ZNF34: variants seen among roughly 807,000 people sequenced by gnomAD.
ZNF34 encodes the protein zinc finger protein 34, also known as zinc finger protein 34 (KOX 32).
A neutral mutation model predicts 14.4 loss-of-function variants in ZNF34; 8 were observed. That is an observed-to-expected ratio of 0.55 (90% CI 0.33 to 1.00). The LOEUF (loss-of-function observed/expected upper bound fraction) is 1.00, where lower values mean the gene tolerates loss of function less well. Among genes scored for constraint, ZNF34 ranks in the 50% least tolerant of loss-of-function variants. The pLI, the probability that ZNF34 is intolerant of heterozygous loss-of-function variation, is 0.03. For synonymous variants in ZNF34, 235 were observed against 247.9 expected (o/e 0.95, Z 0.49); for missense variants, 538 against 674.2 (o/e 0.80, Z 2.24).
chr8:144,774,341 C>G lies in ZNF34; in HGVS notation c.545G>C (p.Ser182Thr). Residue 182 changes from serine to threonine, a missense_variant, in exon 6 of 6, where the codon AGT becomes ACT. Around this residue, in one of 3 missense-constraint regions of ZNF34, gnomAD observed 431 missense variants for 525.7 expected, o/e 0.82. Transcript: ENST00000429371. ...GTTGAGATATGATCTCTGTTCAAAA[C>G]TTTGCTCACATATATCACATTTGTG... is the stretch of plus-strand genomic sequence containing the variant. ...RPHKCDICEQ[S>T]FEQRSYLNNH... 1 of 1,612,410 alleles carries G rather than the reference C, an allele frequency of 6.2e-7. No homozygotes were observed. The highest frequency in any genetic ancestry group is 8.5e-7 in the Non-Finnish European group (1 of 1,179,140).
chr8:144,776,364 C>T lies in ZNF34; in HGVS notation c.280+1094G>A, dbSNP rs189131637. On this transcript the variant is annotated intron_variant, in intron 5 of 5. Transcript: ENST00000429371. Reference sequence around the variant, plus strand: ...CCTATAATCCCAGTACTTTGGGAGGCCAAGGTGGGAGGATCGCTTGAGCCC... The same window carrying T: ...CCTATAATCCCAGTACTTTGGGAGGTCAAGGTGGGAGGATCGCTTGAGCCC... 2.2e-3 allele frequency among the ~76,000 whole-genome samples: 330 copies of T among 150,096 alleles called. 1 individual carries two copies. Among genetic ancestry groups the T allele is most frequent in the African/African-American group, 7.9e-3 (319 of 40,594 alleles).
rs767509265 is a variant in ZNF34 at position 144,778,158 on chromosome 8, C to T, written c.40G>A (p.Val14Met). The stretch of plus-strand genomic sequence containing the variant: ...TACACAGCCACGTCCTCGAAGGTCA[C>T]CTCGGCCTGGAATGACAGGGACTAC... ...LFLSAPPQAE[V>M]TFEDVAVYLS... Residue 14 changes from valine (V) to methionine (M), a missense_variant, in exon 4 of 6, where the codon GTG becomes ATG. Around this residue, in one of 3 missense-constraint regions of ZNF34, gnomAD observed 431 missense variants for 525.7 expected, o/e 0.82. Transcript: ENST00000429371. The T allele has an allele frequency of 1.9e-6, 3 of 1,612,186 alleles. No homozygotes were observed. The highest frequency in any genetic ancestry group is 1.7e-6 in the Non-Finnish European group (2 of 1,178,960).
rs1005576564 is a variant in ZNF34, at chr8:144,779,959, C to T, written c.-55+269G>A. 6.9e-5 allele frequency among the ~76,000 whole-genome samples: 10 copies of T among 145,320 alleles called. No individual in the cohort carries two copies. Among genetic ancestry groups the T allele is most frequent in the Non-Finnish European group, 1.2e-4 (8 of 67,198 alleles). On this transcript the variant is annotated intron_variant, in intron 2 of 5. Transcript: ENST00000429371. This position sits in a 1 kb window ranked among gnomAD's most constrained non-coding sequence, Gnocchi z 4.1. ...ATCCTAGCGCTTTGGGAGGCTGAGG[C>T]GGGAGGACAGCTTGAGCCCAGGAAT...
At position 144,777,957 on chromosome 8, in the gene ZNF34, G is replaced by T; in HGVS notation, c.160+81C>A. The T allele has an allele frequency of 6.4e-7, 1 of 1,570,634 alleles. No homozygotes were observed. Among genetic ancestry groups the T allele is most frequent in the Non-Finnish European group, 8.7e-7 (1 of 1,155,924 alleles). On this transcript the variant is annotated intron_variant, in intron 4 of 5. Transcript: ENST00000429371. The surrounding 1 kb of genome is among the most constrained non-coding windows in gnomAD (Gnocchi z 4.8). Reference sequence around the variant, plus strand: ...GGTCATCACCTATCTGTGCCCAGGGGGTGAGGCCCCTAGCCCAGCCTCTGC... The same window carrying T: ...GGTCATCACCTATCTGTGCCCAGGGTGTGAGGCCCCTAGCCCAGCCTCTGC...
At chr8:144,774,888 T>C (rs979298287) in intron 5 of ZNF34, among the ~76,000 whole-genome samples, 2 of 152,102 alleles carry the variant, frequency 1.3e-5, no homozygotes, top group Admixed American at 6.5e-5. Flanking sequence ...AGTACCCAAG[T>C]GGGGTCCTGC....
In ZNF34 at chr8:144,778,111, G is replaced by C. The variant is rs374563985; in HGVS notation, c.87C>G (p.Gly29=). 8 of 1,614,008 alleles carry C rather than the reference G, an allele frequency of 5.0e-6. No individual in the cohort carries two copies. Among genetic ancestry groups the C allele is most frequent in the Non-Finnish European group, 6.8e-6 (8 of 1,179,930 alleles). The change falls in exon 4 of 6, where the codon GGC becomes GGG. Residue 29 remains glycine, a synonymous_variant. Coordinates refer to ENST00000429371, the MANE Select transcript of ZNF34 (RefSeq NM_001286769.2). ...VAVYLSREEW[G]RLGPAQRGLY... is the part of the protein sequence containing the mutation. ...GGCCCCTCTGAGCAGGGCCCAGGCG[G>C]CCCCATTCCTCCCGGGAGAGGTACA... is the stretch of plus-strand genomic sequence containing the variant.
intron 2 of ZNF34, 77 bp downstream of exon 2, chr8:144,780,151 C>T (rs912928931): frequency 3.4e-5 from 38 of 1,129,782 alleles, no homozygotes; most frequent in Admixed American, 1.2e-4. Flanking sequence ...GAGCTGTGAT[C>T]GCACCACTGC....
intron 5 of ZNF34, among the ~76,000 whole-genome samples, chr8:144,774,898 C>A (rs1825410368): frequency 6.6e-6 from 1 of 152,196 alleles, no homozygotes; most frequent in Non-Finnish European, 1.5e-5. Flanking sequence ...TGGGGTCCTG[C>A]CACATGGCCG....
chr8:144,780,632 T>C (rs1586735790), intron 1 of ZNF34, among the ~76,000 whole-genome samples: 1 of 149,958 alleles, frequency 6.7e-6, no homozygotes. Flanking sequence ...TCTACTAAAA[T>C]ACAAAAATTA....
chr8:144,773,386 G>C lies in ZNF34; in HGVS notation c.1500C>G (p.His500Gln), dbSNP rs1825282320. ...AFSQSTYLIQ[H>Q]RRIHTGEKPY... ...GCTTCTCCCCGGTGTGGATCCTCCG[G>C]TGCTGAATCAAGTACGTGCTCTGGC... is the stretch of plus-strand genomic sequence containing the variant. Residue 500 changes from histidine (H) to glutamine (Q), a missense_variant, in exon 6 of 6, where the codon CAC becomes CAG. Transcript: ENST00000429371. This position sits in a 1 kb window ranked among gnomAD's most constrained non-coding sequence, Gnocchi z 5.4. The C allele has an allele frequency of 1.9e-6, 3 of 1,613,986 alleles. No homozygotes were observed. Among genetic ancestry groups the C allele is most frequent in the Admixed American group, 1.7e-5 (1 of 59,980 alleles).
intron 1 of ZNF34, among the ~76,000 whole-genome samples, chr8:144,786,776 G>A (rs938846336): frequency 2.6e-5 from 4 of 152,048 alleles, no homozygotes; most frequent in Non-Finnish European, 4.4e-5. Context: ...TGGGGCGGAG[G>A]GAAGGCACAA....
chr8:144,775,130 C>A, intron 5 of ZNF34, among the ~76,000 whole-genome samples: 1 of 152,236 alleles, frequency 6.6e-6, no homozygotes. Context: ...GTGCAAGCAC[C>A]TCATGACTGC....
In ZNF34 at chr8:144,782,301, A is replaced by G. The variant is rs147789786; in HGVS notation, c.-107-2021T>C. Among the ~76,000 whole-genome samples, 790 of 151,674 alleles carry G rather than the reference A, an allele frequency of 5.2e-3. 6 individuals are homozygous for G. The highest frequency in any genetic ancestry group is 0.018 in the African/African-American group (742 of 41,074). On this transcript the variant is annotated intron_variant, in intron 1 of 5. Transcript: ENST00000429371. ...CGCACCACTGCACTCCAGCCTGGCC[A>G]CAGAGTGAGACTCCGACACAAAACA... is the stretch of plus-strand genomic sequence containing the variant.
intron 1 of ZNF34, among the ~76,000 whole-genome samples, chr8:144,782,930 G>A (rs1285672710): frequency 6.8e-6 from 1 of 146,028 alleles, no homozygotes; most frequent in Non-Finnish European, 1.5e-5. Context: ...AACAAAAAAG[G>A]AAAGAGTGTA....
rs545748106 is a variant in ZNF34 at position 144,786,026 on chromosome 8, C to T, written c.-108+1253G>A. On this transcript the variant is annotated intron_variant, in intron 1 of 5. Coordinates refer to ENST00000429371, the MANE Select transcript of ZNF34 (RefSeq NM_001286769.2). ...TTGAGACGGAGTCTTGCTCCATCAC[C>T]CAGGCTGGAGAGCAGTGGCGGGATC... Among the ~76,000 whole-genome samples the T allele has an allele frequency of 1.6e-3, 226 of 145,624 alleles. 1 individual carries two copies. The highest frequency in any genetic ancestry group is 5.4e-3 in the African/African-American group (211 of 38,894).
chr8:144,782,434 G>A (rs1258288395), intron 1 of ZNF34, among the ~76,000 whole-genome samples: 2 of 152,028 alleles, frequency 1.3e-5, no homozygotes, highest in Non-Finnish European at 1.5e-5. Context: ...AGGTTGCAGT[G>A]AGTTGAGATT....
chr8:144,778,672 G>A (rs962304993), intron 2 of ZNF34, 147 bp from the exon 3 acceptor site: 76 of 501,066 alleles, frequency 1.5e-4, no homozygotes, highest in African/African-American at 2.7e-4. Flanking sequence ...CTGGCCTCCC[G>A]GACATAGACT....
chr8:144,774,648 T>G (rs753638427), intron 5 of ZNF34, 43 bp from the exon 6 acceptor site: 2 of 1,558,944 alleles, frequency 1.3e-6, no homozygotes, highest in African/African-American at 2.7e-5. Flanking sequence ...CTGCTCTGAC[T>G]CTGGAAGGTA....
At position 144,773,286 on chromosome 8, in the gene ZNF34, G is replaced by A. The variant is rs762462036; in HGVS notation, c.1600C>T (p.Arg534Trp). 15 of 1,609,694 alleles carry A rather than the reference G, an allele frequency of 9.3e-6. No individual in the cohort carries two copies. The highest frequency in any genetic ancestry group is 1.6e-4 in the Middle Eastern group (1 of 6,070). ...CACTGTTACATGGAGAAGTCCTCCC[G>A]GAGGTGAATCCGCTGATGCTGACAC... ...NMCQHQRIHL[R>W]EDFSM The change falls in exon 6 of 6, where the codon CGG (arginine) becomes TGG (tryptophan). Residue 534 changes from arginine to tryptophan, a missense_variant. This residue lies in a region of ZNF34 where 101 missense variants were observed against 123.1 expected (regional missense o/e 0.82). Coordinates refer to ENST00000429371, the MANE Select transcript of ZNF34 (RefSeq NM_001286769.2). The surrounding 1 kb of genome is among the most constrained non-coding windows in gnomAD (Gnocchi z 5.4).
Sources: gnomAD v4.1 joint callset for allele counts (sites outside exome capture counted in the v4.1 genomes callset) on GRCh38, gnomAD v4.1.1 for gene constraint, gnomAD v4.1.1 regional missense constraint, Gnocchi (gnomAD v3.1) non-coding constraint, MANE v1.5 for transcripts, NCBI Gene and HGNC (gene_info 2026-07-23, HGNC 2026-07-21) for gene names.